Variants in RNF130 observed in about 807,000 individuals in gnomAD.
RNF130 encodes ring finger protein 130.
In RNF130, 21 loss-of-function variants were observed where a neutral mutation model predicts 44.6. That is an observed-to-expected ratio of 0.47 (90% CI 0.33 to 0.68). RNF130 has a LOEUF of 0.68. Ranked by LOEUF, RNF130 falls within the 30% of genes least tolerant of loss-of-function variation. RNF130 has a pLI of 0.02. For missense variants in RNF130, 479 were observed against 560.6 expected, an observed-to-expected ratio of 0.85 and a Z score of 1.47; for synonymous variants, 214 against 210.4, an observed-to-expected ratio of 1.02 and a Z score of -0.15.
chr5:179,945,498 C>T (rs1236988873), intron 7 of RNF130, among the ~76,000 whole-genome samples: 3 of 152,134 alleles, frequency 2.0e-5, no homozygotes, highest in Admixed American at 2.0e-4. Flanking sequence ...TTCACACACA[C>T]CATGTTTCCA....
intron 3 of RNF130, among the ~76,000 whole-genome samples, chr5:179,981,447 A>G (rs999130215): frequency 2.6e-5 from 4 of 152,236 alleles, no homozygotes; most frequent in African/African-American, 9.6e-5. Context: ...AATTTAGGGG[A>G]AAGTTTTAAA....
At chr5:179,970,704 C>T (rs949352195) in intron 5 of RNF130, among the ~76,000 whole-genome samples, 198 bp from the exon 6 acceptor site, 2 of 152,194 alleles carry the variant, frequency 1.3e-5, no homozygotes, top group Non-Finnish European at 1.5e-5. Context: ...ATATGTACAA[C>T]ACCGTGTAAG....
At chr5:180,012,650 C>T (rs532186435) in intron 3 of RNF130, among the ~76,000 whole-genome samples, 2 of 152,276 alleles carry the variant, frequency 1.3e-5, no homozygotes, top group African/African-American at 4.8e-5. Flanking sequence ...ATAGATAATA[C>T]TTTCCCAGTT....
chr5:180,024,661 G>T (rs1008144980), intron 2 of RNF130, among the ~76,000 whole-genome samples: 2 of 152,160 alleles, frequency 1.3e-5, no homozygotes, highest in Admixed American at 1.3e-4. Context: ...GATCTGTGCT[G>T]CATGAAATGA....
At chr5:180,054,250 C>T (rs73350018) in intron 1 of RNF130, among the ~76,000 whole-genome samples, 3 of 152,232 alleles carry the variant, frequency 2.0e-5, no homozygotes, top group South Asian at 2.1e-4. Context: ...TGATTTGTAA[C>T]GACCCAGCTT....
intron 2 of RNF130, chr5:180,015,187 T>C: frequency 3.1e-6 from 1 of 318,924 alleles, no homozygotes; most frequent in South Asian, 3.3e-5. Context: ...ATTACCTTTC[T>C]GAAATAAGAG....
intron 2 of RNF130, among the ~76,000 whole-genome samples, chr5:180,024,185 A>G (rs1159233173): frequency 1.3e-5 from 2 of 152,224 alleles, no homozygotes; most frequent in African/African-American, 4.8e-5. Flanking sequence ...CAGCCAAGAG[A>G]AAACTAATGG....
At chr5:179,996,728 G>A (rs1395228730) in intron 3 of RNF130, among the ~76,000 whole-genome samples, 1 of 151,964 alleles carries the variant, frequency 6.6e-6, no homozygotes, top group East Asian at 1.9e-4. Flanking sequence ...ATTTCGTTGG[G>A]GATTTAAAAA....
At chr5:180,068,734 C>G (rs1273234100) in intron 1 of RNF130, among the ~76,000 whole-genome samples, 1 of 152,220 alleles carries the variant, frequency 6.6e-6, no homozygotes, top group Non-Finnish European at 1.5e-5. Context: ...AGGTTCAACT[C>G]TAGGAAAACT....
intron 7 of RNF130, among the ~76,000 whole-genome samples, chr5:179,940,947 T>G (rs1252677124): frequency 6.6e-6 from 1 of 152,192 alleles, no homozygotes; most frequent in East Asian, 1.9e-4. Flanking sequence ...TGCATTCCAG[T>G]TCATGAATCC....
intron 3 of RNF130, among the ~76,000 whole-genome samples, chr5:179,998,886 T>TATATATATATATCTATATATA (rs1389273465): frequency 9.4e-6 from 1 of 105,914 alleles, no homozygotes; most frequent in Non-Finnish European, 2.1e-5. Context: ...TATATATATG[T>TATATATATATATCTATATATA]TTTATATATC....
intron 5 of RNF130, among the ~76,000 whole-genome samples, chr5:179,974,553 G>A (rs144632232): frequency 2.0e-5 from 3 of 152,344 alleles, no homozygotes; most frequent in East Asian, 1.9e-4. Flanking sequence ...CGGCTTGACA[G>A]CTCTGGATAG....
intron 2 of RNF130, among the ~76,000 whole-genome samples, chr5:180,030,520 A>G (rs146848915): frequency 2.7e-3 from 409 of 152,220 alleles, no homozygotes; most frequent in Non-Finnish European, 4.7e-3. Context: ...TTAAAAATAC[A>G]TGTTCCCTTT....
At chr5:179,968,667 T>TAAAAAAAA (rs35941932) in intron 6 of RNF130, among the ~76,000 whole-genome samples, 1 of 68,106 alleles carries the variant, frequency 1.5e-5, no homozygotes, top group African/African-American at 4.6e-5. Context: ...CTCTGTCTCA[T>TAAAAAAAA]AAAAAAAAAA....
chr5:179,974,170 G>A (rs1033309408), intron 5 of RNF130, among the ~76,000 whole-genome samples: 3 of 152,180 alleles, frequency 2.0e-5, no homozygotes, highest in Admixed American at 2.0e-4. Flanking sequence ...GCTAGCTGGG[G>A]CTGGCAGCAG....
intron 7 of RNF130, among the ~76,000 whole-genome samples, chr5:179,936,361 C>T (rs1194855332): frequency 1.3e-5 from 2 of 152,134 alleles, no homozygotes; most frequent in Non-Finnish European, 2.9e-5. Flanking sequence ...CTCAGACTCC[C>T]AAACTGCTGG....
At chr5:179,937,933 T>TGAGAGAGAGAGA (rs3078901) in intron 7 of RNF130, among the ~76,000 whole-genome samples, 5 of 116,222 alleles carry the variant, frequency 4.3e-5, no homozygotes, top group Non-Finnish European at 7.1e-5. Flanking sequence ...TGTGTGTGTG[T>TGAGAGAGAGAGA]GAGAGAGAGA....
intron 7 of RNF130, among the ~76,000 whole-genome samples, chr5:179,941,156 GT>G (rs1362939064): frequency 6.6e-6 from 1 of 152,056 alleles, no homozygotes; most frequent in Non-Finnish European, 1.5e-5. Context: ...TCTGTTCTTT[GT>G]TTTTTCTCCT....
intron 3 of RNF130, among the ~76,000 whole-genome samples, chr5:180,000,283 T>C (rs1763302593): frequency 6.6e-6 from 1 of 152,224 alleles, no homozygotes; most frequent in Non-Finnish European, 1.5e-5. Flanking sequence ...TTTAGTCTAA[T>C]AGGGATTCTC....
Sources: allele counts gnomAD v4.1 joint callset (sites outside exome capture counted in the v4.1 genomes callset), GRCh38; gene constraint gnomAD v4.1.1; transcripts MANE v1.5; gene names NCBI Gene and HGNC (gene_info 2026-07-23, HGNC 2026-07-21).